SRGAP2C: variants seen among roughly 807,000 people sequenced by gnomAD.
The protein encoded by SRGAP2C is SLIT-ROBO Rho GTPase-activating protein 2C.
In SRGAP2C, 15 loss-of-function variants were observed where a neutral mutation model predicts 25.1. The observed-to-expected ratio is 0.60, with a 90% CI of 0.40 to 0.92. The LOEUF (loss-of-function observed/expected upper bound fraction) is 0.92. Ranked by LOEUF, SRGAP2C falls within the 40% of genes least tolerant of loss-of-function variation. The pLI, the probability that SRGAP2C is intolerant of heterozygous loss-of-function variation, is 0.00. For missense variants in SRGAP2C, 144 were observed against 264.4 expected (o/e 0.54, Z 3.16); for synonymous variants, 44 against 96.6 (o/e 0.46, Z 3.19).
chr1:121,368,676 G>C (rs1316400525), intron 5 of SRGAP2C, among the ~76,000 whole-genome samples: 1 of 144,552 alleles, frequency 6.9e-6, no homozygotes, highest in African/African-American at 2.6e-5. Flanking sequence ...TTGGGAAGCT[G>C]CTTGCTGTAT....
chr1:121,303,497 C>T lies in SRGAP2C; in HGVS notation c.260+18502C>T, dbSNP rs1192875095. Among the ~76,000 whole-genome samples the T allele has an allele frequency of 2.0e-5, 3 of 152,056 alleles. No individual in the cohort carries two copies. The East Asian group carries it at 5.8e-4, about 29-fold the overall frequency. On this transcript the variant is annotated intron_variant, in intron 3 of 9. Transcript: ENST00000367123. ...TATTCCAGGCTTAACTTGTACTTTC[C>T]TTGCCTTTACTGTGGAGTTGACCAT...
chr1:121,338,221 G>C (rs1302827919), intron 4 of SRGAP2C, among the ~76,000 whole-genome samples: 1 of 148,158 alleles, frequency 6.7e-6, no homozygotes, highest in South Asian at 2.2e-4. Flanking sequence ...AATTTCCATT[G>C]TGCTATTCTG....
chr1:121,283,903 G>A (rs1202646105), intron 2 of SRGAP2C, among the ~76,000 whole-genome samples: 1 of 148,014 alleles, frequency 6.8e-6, no homozygotes, highest in African/African-American at 2.5e-5. Context: ...AGCTGCCTTT[G>A]CAGCAGTTCC....
chr1:121,375,686 CAAG>C (rs1659625555), intron 7 of SRGAP2C, among the ~76,000 whole-genome samples: 1 of 150,684 alleles, frequency 6.6e-6, no homozygotes, highest in South Asian at 2.1e-4. Flanking sequence ...AAGTGAGTGG[CAAG>C]AACTTAACTA....
At chr1:121,238,437 T>C (rs1486089983) in intron 2 of SRGAP2C, among the ~76,000 whole-genome samples, 8 of 151,674 alleles carry the variant, frequency 5.3e-5, no homozygotes, top group Non-Finnish European at 8.8e-5. Context: ...GATAAAAAGA[T>C]AAACAGGAGT....
intron 2 of SRGAP2C, among the ~76,000 whole-genome samples, chr1:121,263,326 A>C (rs2101534836): frequency 6.6e-6 from 1 of 151,428 alleles, no homozygotes; most frequent in East Asian, 1.9e-4. Context: ...TCTGTCTCAA[A>C]AAACAAACAA....
chr1:121,361,715 T>G (rs2101646158), intron 4 of SRGAP2C: 2 of 152,196 alleles, frequency 1.3e-5, no homozygotes, highest in East Asian at 1.9e-4. Flanking sequence ...ACACTTCCCA[T>G]CCGATAGAAC....
intron 2 of SRGAP2C, among the ~76,000 whole-genome samples, chr1:121,195,740 A>G (rs1289962373): frequency 1.0e-4 from 15 of 150,094 alleles, no homozygotes; most frequent in Non-Finnish European, 5.9e-5. Context: ...AAACACATAG[A>G]CTACTAGCTA....
intron 4 of SRGAP2C, among the ~76,000 whole-genome samples, chr1:121,362,554 C>A (rs1375324878): frequency 6.7e-6 from 1 of 150,296 alleles, no homozygotes; most frequent in African/African-American, 2.4e-5. Context: ...CATGGGTAAG[C>A]AACAGGGTAG....
At chr1:121,362,624 C>CG in intron 4 of SRGAP2C, 1 of 152,268 alleles carries the variant, frequency 6.6e-6, no homozygotes, top group East Asian at 1.9e-4. Flanking sequence ...AGTTAAGAAA[C>CG]GATAGGCTGG....
At chr1:121,229,357 C>CT (rs1228215063) in intron 2 of SRGAP2C, among the ~76,000 whole-genome samples, 2 of 102,428 alleles carry the variant, frequency 2.0e-5, no homozygotes, top group Admixed American at 1.1e-4. Context: ...TATAATGTAC[C>CT]TTTTTTCCTA....
At chr1:121,371,060 G>C (rs1401185552) in intron 5 of SRGAP2C, among the ~76,000 whole-genome samples, 1 of 151,934 alleles carries the variant, frequency 6.6e-6, no homozygotes, top group East Asian at 1.9e-4. Flanking sequence ...AAGTAAAGTG[G>C]AATATTCTTT....
At position 121,280,212 on chromosome 1, in the gene SRGAP2C, A is replaced by T. The variant is rs1189143022; in HGVS notation, c.68-4591A>T. Among the ~76,000 whole-genome samples the T allele has an allele frequency of 6.9e-5, 10 of 145,798 alleles. No individual in the cohort carries two copies. In the South Asian group the frequency reaches 2.0e-3, roughly 29 times the overall value. Reference sequence around the variant, plus strand: ...CAACTCTGATTCTCAGGAACCTTTTAAAAAAATTGGGTTCCTCTTGCAAGG... The same window carrying T: ...CAACTCTGATTCTCAGGAACCTTTTTAAAAAATTGGGTTCCTCTTGCAAGG... On this transcript the variant is annotated intron_variant, in intron 2 of 9. Coordinates refer to ENST00000367123, the MANE Select transcript of SRGAP2C (RefSeq NM_001329984.2).
chr1:121,355,478 C>T (rs1211618906), intron 4 of SRGAP2C, among the ~76,000 whole-genome samples: 1 of 88,968 alleles, frequency 1.1e-5, no homozygotes, highest in South Asian at 3.2e-4. Context: ...CCACTACGCC[C>T]GGCTAACTTT....
intron 2 of SRGAP2C, among the ~76,000 whole-genome samples, chr1:121,208,180 A>G (rs1438198490): frequency 3.3e-5 from 5 of 152,246 alleles, no homozygotes; most frequent in Non-Finnish European, 5.9e-5. Flanking sequence ...GCAACAGAAG[A>G]AAGTGGACCA....
intron 2 of SRGAP2C, among the ~76,000 whole-genome samples, chr1:121,198,950 C>T (rs587711959): frequency 3.3e-4 from 50 of 152,292 alleles, no homozygotes; most frequent in African/African-American, 1.1e-3. Flanking sequence ...GATAACTCAC[C>T]TAAGGTCTCA....
intron 2 of SRGAP2C, among the ~76,000 whole-genome samples, chr1:121,279,092 G>A (rs1186166609): frequency 1.2e-4 from 18 of 150,430 alleles, no homozygotes; most frequent in South Asian, 2.1e-4. Flanking sequence ...TGGGGAGCGC[G>A]GGCTGATCTG....
intron 2 of SRGAP2C, among the ~76,000 whole-genome samples, chr1:121,273,882 A>C (rs71579035): frequency 2.6e-5 from 4 of 152,048 alleles, no homozygotes; most frequent in Middle Eastern, 3.4e-3. Context: ...AGAGTCACGC[A>C]GCAGGGGTAG....
rs1423175898 is a variant in SRGAP2C, at chr1:121,339,301, G to A, written c.423+14661G>A. On this transcript the variant is annotated intron_variant, in intron 4 of 9. Transcript: ENST00000367123. ...GATGGAGTTTCTTTTTTTCAGGCTG[G>A]AGTACAGTGGCGTGATCTTGGCTCA... Among the ~76,000 whole-genome samples the A allele has an allele frequency of 3.6e-3, 533 of 146,032 alleles. 3 individuals carry two copies. Among genetic ancestry groups the A allele is most frequent in the Middle Eastern group, 0.014 (4 of 284 alleles).
Sources: gnomAD v4.1 joint callset for allele counts (sites outside exome capture counted in the v4.1 genomes callset) on GRCh38, gnomAD v4.1.1 for gene constraint, MANE v1.5 for transcripts, NCBI Gene and HGNC (gene_info 2026-07-23, HGNC 2026-07-21) for gene names.